The following ZNRF2 variants were observed in gnomAD, a reference collection of about 807,000 sequenced individuals.
ZNRF2 encodes zinc and ring finger 2, also known as E3 ubiquitin-protein ligase ZNRF2.
ZNRF2 carries 16 observed loss-of-function variants against 20.4 expected under a neutral mutation model. The observed-to-expected ratio is 0.79, with a 90% CI of 0.53 to 1.19. The LOEUF is 1.19. Ranked by LOEUF, ZNRF2 falls within the 50% of genes most tolerant of loss-of-function variation. The pLI is 0.00. For missense variants in ZNRF2, 363 were observed against 332.4 expected (o/e 1.09, Z -0.72); for synonymous variants, 178 against 144.9 (o/e 1.23, Z -1.64).
intron 1 of ZNRF2, among the ~76,000 whole-genome samples, chr7:30,316,778 C>T (rs1281087054): frequency 6.6e-6 from 1 of 152,138 alleles, no homozygotes; most frequent in Non-Finnish European, 1.5e-5. Context: ...GAAGTTAGGT[C>T]ATCTGCAACT....
At chr7:30,364,760 A>G (rs568586232) in intron 4 of ZNRF2, among the ~76,000 whole-genome samples, 48 of 152,336 alleles carry the variant, frequency 3.2e-4, no homozygotes, top group African/African-American at 1.1e-3. Flanking sequence ...TCCTTCATCT[A>G]TAGATAAAAT....
chr7:30,344,913 C>T (rs1799854032), intron 2 of ZNRF2, among the ~76,000 whole-genome samples: 1 of 152,190 alleles, frequency 6.6e-6, no homozygotes, highest in Non-Finnish European at 1.5e-5. Context: ...TTCTTCTGGT[C>T]TTACAAGTAT....
chr7:30,363,683 GT>G (rs1282305978), intron 4 of ZNRF2, among the ~76,000 whole-genome samples: 1 of 151,638 alleles, frequency 6.6e-6, no homozygotes, highest in South Asian at 2.1e-4. Flanking sequence ...ACTGATTTAA[GT>G]TTTTCATGGT....
chr7:30,367,679 TGCTTTCTGTATGATTCCAGCTCA>T (rs751580809), exon 5 of ZNRF2: 64 of 152,142 alleles, frequency 4.2e-4, 1 homozygote, highest in Non-Finnish European at 7.4e-4. Flanking sequence ...AGTTTTTAAT[TGCTTTCTGTATGATTCCAGCTCA>T]GATAACATTT....
intron 1 of ZNRF2, among the ~76,000 whole-genome samples, chr7:30,300,783 G>A (rs545643436): frequency 6.6e-6 from 1 of 152,322 alleles, no homozygotes; most frequent in South Asian, 2.1e-4. Flanking sequence ...AAAATTGTGA[G>A]TTGGGAATTT....
At chr7:30,357,356 C>T (rs1800057173) in intron 3 of ZNRF2, among the ~76,000 whole-genome samples, 1 of 152,030 alleles carries the variant, frequency 6.6e-6, no homozygotes, top group African/African-American at 2.4e-5. Context: ...AGATAAATAA[C>T]CCTCATACAT....
intron 1 of ZNRF2, among the ~76,000 whole-genome samples, chr7:30,301,719 A>G (rs558909867): frequency 2.0e-4 from 31 of 151,318 alleles, no homozygotes; most frequent in Middle Eastern, 3.4e-3. Flanking sequence ...AAAAAAAAAA[A>G]AAAACTTATC....
intron 4 of ZNRF2, among the ~76,000 whole-genome samples, chr7:30,363,913 G>A (rs996178892): frequency 1.9e-4 from 29 of 152,184 alleles, no homozygotes; most frequent in Non-Finnish European, 3.4e-4. Context: ...TATCAAGGCA[G>A]AGCATTTTAG....
intron 1 of ZNRF2, among the ~76,000 whole-genome samples, chr7:30,306,384 A>G (rs1799205900): frequency 6.6e-6 from 1 of 152,194 alleles, no homozygotes; most frequent in South Asian, 2.1e-4. Flanking sequence ...TATGAAAGCT[A>G]GAAGTAAGTA....
intron 3 of ZNRF2, among the ~76,000 whole-genome samples, chr7:30,360,288 G>T (rs1800106142): frequency 6.6e-6 from 1 of 152,148 alleles, no homozygotes. Context: ...TTGTATTTGG[G>T]CGCAAACTCC....
chr7:30,334,659 A>G (rs1410751360), intron 2 of ZNRF2, among the ~76,000 whole-genome samples: 1 of 152,220 alleles, frequency 6.6e-6, no homozygotes, highest in African/African-American at 2.4e-5. Context: ...TTTAATTCCA[A>G]GTTAGAAGTC....
intron 1 of ZNRF2, among the ~76,000 whole-genome samples, chr7:30,305,906 TAA>T (rs1220735346): frequency 6.6e-6 from 1 of 152,188 alleles, no homozygotes; most frequent in Non-Finnish European, 1.5e-5. Context: ...GCAATGAAAT[TAA>T]GATTGAAACA....
At chr7:30,358,571 A>G (rs1268276573) in intron 3 of ZNRF2, among the ~76,000 whole-genome samples, 2 of 152,246 alleles carry the variant, frequency 1.3e-5, no homozygotes, top group South Asian at 2.1e-4. Flanking sequence ...CCAAAACTGC[A>G]TGGGAACCAA....
rs1798771875 is a variant in ZNRF2, at chr7:30,285,737, G to T, written c.380G>T (p.Gly127Val). ...AGCAGCCCTGAGGACGGCGGCGGCG[G>T]CCGGGACCGGCCGGTGGGCGGGAGC... ...VHSSPEDGGG[G>V]RDRPVGGSPG... Residue 127 changes from glycine (G) to valine (V), a missense_variant, in exon 1 of 5, where the codon GGC becomes GTC. Gly to Val is a moderately radical substitution (Grantham distance 109). Transcript: ENST00000323037. The T allele has an allele frequency of 5.4e-6, 8 of 1,474,350 alleles. No homozygotes were observed. The highest frequency in any genetic ancestry group is 7.1e-6 in the Non-Finnish European group (8 of 1,119,816). The allele number at this position is 1,474,350 out of a possible 1,614,324, so 91.3% of individuals were successfully genotyped here.
chr7:30,331,493 T>C (rs1799634252), intron 2 of ZNRF2, among the ~76,000 whole-genome samples: 1 of 152,098 alleles, frequency 6.6e-6, no homozygotes, highest in African/African-American at 2.4e-5. Flanking sequence ...AAGTATAAGG[T>C]AGTTCTGAGG....
intron 1 of ZNRF2, among the ~76,000 whole-genome samples, chr7:30,302,337 G>T (rs1393385404): frequency 6.6e-6 from 1 of 152,080 alleles, no homozygotes; most frequent in Admixed American, 6.6e-5. Flanking sequence ...CATAGTCTCT[G>T]TATCTTATTT....
At chr7:30,364,779 T>A (rs1031019960) in intron 4 of ZNRF2, among the ~76,000 whole-genome samples, 1 of 152,204 alleles carries the variant, frequency 6.6e-6, no homozygotes. Flanking sequence ...ATTTGTCTTT[T>A]TAGTCTTTCT....
chr7:30,323,588 C>T, intron 1 of ZNRF2, 54 bp from the exon 2 acceptor site: 4 of 1,181,470 alleles, frequency 3.4e-6, no homozygotes, highest in Non-Finnish European at 4.8e-6. Flanking sequence ...TTTTTAAAAG[C>T]CATAGCTGGA....
intron 4 of ZNRF2, among the ~76,000 whole-genome samples, chr7:30,363,677 A>G (rs1800163845): frequency 6.6e-6 from 1 of 152,088 alleles, no homozygotes; most frequent in Non-Finnish European, 1.5e-5. Context: ...TGTTCTACTG[A>G]TTTAAGTTTT....
Sources: allele counts gnomAD v4.1 joint callset (sites outside exome capture counted in the v4.1 genomes callset), GRCh38; gene constraint gnomAD v4.1.1; transcripts MANE v1.5; gene names NCBI Gene and HGNC (gene_info 2026-07-23, HGNC 2026-07-21).